FAM135B: variants seen among roughly 807,000 people sequenced by gnomAD.
FAM135B encodes the protein family with sequence similarity 135 member B, also known as protein FAM135B.
A neutral mutation model predicts 127.7 loss-of-function variants in FAM135B; 43 were observed. The ratio of observed to expected loss-of-function variants is 0.34; its 90% CI spans 0.26 to 0.43. The LOEUF is 0.43. Among genes scored for constraint, FAM135B ranks in the 20% least tolerant of loss-of-function variants. FAM135B has a pLI of 1.00. For missense variants in FAM135B, 1,558 were observed against 1,725.6 expected (o/e 0.90, Z 1.72); for synonymous variants, 670 against 665.1 (o/e 1.01, Z -0.11).
intron 11 of FAM135B, among the ~76,000 whole-genome samples, chr8:138,169,904 C>T (rs979034966): frequency 1.3e-5 from 2 of 152,162 alleles, no homozygotes; most frequent in African/African-American, 2.4e-5. Flanking sequence ...ACAGGGCTTT[C>T]GTGAATGTGA....
chr8:138,165,374 C>T (rs1372971021), intron 12 of FAM135B, among the ~76,000 whole-genome samples: 1 of 152,022 alleles, frequency 6.6e-6, no homozygotes, highest in Admixed American at 6.6e-5. Flanking sequence ...CCCGCCTCAG[C>T]CTCCCAAAGT....
intron 1 of FAM135B, among the ~76,000 whole-genome samples, chr8:138,400,046 T>G (rs1330383119): frequency 6.6e-6 from 1 of 152,206 alleles, no homozygotes; most frequent in Non-Finnish European, 1.5e-5. Context: ...TGTTTGGCAC[T>G]GTATGAAGAC....
chr8:138,161,965 T>C (rs867364916), intron 12 of FAM135B, among the ~76,000 whole-genome samples: 24 of 152,318 alleles, frequency 1.6e-4, no homozygotes, highest in Middle Eastern at 6.8e-3. Flanking sequence ...AGGTGATGAA[T>C]TGAGAATAGA....
At chr8:138,402,460 C>T (rs1833206455) in intron 1 of FAM135B, among the ~76,000 whole-genome samples, 1 of 152,136 alleles carries the variant, frequency 6.6e-6, no homozygotes, top group Middle Eastern at 3.2e-3. Context: ...TCAGGCAAAA[C>T]CCACAATTCT....
At position 138,131,499 on chromosome 8, in the gene FAM135B, T is replaced by G. The variant is rs1050207814; in HGVS notation, c.*1094A>C. On this transcript the variant is annotated 3_prime_UTR_variant, in exon 20 of 20. Transcript: ENST00000395297. ...CACTTTTGTCCCTGTCGTCTATTGGTTTTTATCAACGCAGTGACCTTTCCT... is the reference window on the plus strand; with the variant it reads ...CACTTTTGTCCCTGTCGTCTATTGGGTTTTATCAACGCAGTGACCTTTCCT... 1 of 152,636 alleles carries G rather than the reference T, an allele frequency of 6.6e-6. No individual in the cohort carries two copies. The allele number at this position is 152,636 out of a possible 1,614,324, so 9.5% of individuals were successfully genotyped here. A position where few individuals can be genotyped will look rare whatever the true frequency, so the allele number is the denominator to read the frequency against.
At chr8:138,425,852 A>G (rs904787863) in intron 1 of FAM135B, among the ~76,000 whole-genome samples, 2 of 151,562 alleles carry the variant, frequency 1.3e-5, no homozygotes, top group Admixed American at 6.6e-5. Flanking sequence ...ACTGGAGAAT[A>G]TAAATATACT....
intron 2 of FAM135B, among the ~76,000 whole-genome samples, chr8:138,364,679 A>G (rs1830631580): frequency 6.6e-6 from 1 of 152,176 alleles, no homozygotes; most frequent in Non-Finnish European, 1.5e-5. Context: ...ACCATTCTTG[A>G]GTATAAAACC....
intron 1 of FAM135B, chr8:138,436,809 C>T (rs1835480844): frequency 6.6e-6 from 1 of 152,178 alleles, no homozygotes; most frequent in African/African-American, 2.4e-5. Flanking sequence ...ATTTCTGAGT[C>T]TTAATTTCTT....
At chr8:138,296,146 G>A (rs1407310494) in intron 3 of FAM135B, among the ~76,000 whole-genome samples, 1 of 152,154 alleles carries the variant, frequency 6.6e-6, no homozygotes, top group Non-Finnish European at 1.5e-5. Context: ...TCTGGTTCTT[G>A]TCTTTTCCTC....
At chr8:138,388,835 T>A (rs1587321048) in intron 1 of FAM135B, among the ~76,000 whole-genome samples, 1 of 152,188 alleles carries the variant, frequency 6.6e-6, no homozygotes, top group East Asian at 1.9e-4. Flanking sequence ...TCAACACTTC[T>A]GCTCAAACCC....
chr8:138,457,025 C>CA lies in FAM135B; in HGVS notation c.-20+39645dup, dbSNP rs11320792. Among the ~76,000 whole-genome samples, 566 of 136,482 alleles carry CA rather than the reference C, an allele frequency of 4.1e-3. 2 individuals are homozygous for CA. Among genetic ancestry groups the CA allele is most frequent in the Middle Eastern group, 3.8e-3 (1 of 264 alleles). The allele number at this position is 136,482 out of a possible 152,430, so 89.5% of individuals were successfully genotyped here. On this transcript the variant is annotated intron_variant, in intron 1 of 19. Transcript: ENST00000395297. ...AGATGTGAAAGAAAAATAAAAGGAA[C>CA]AAAAAAAAAAAAGCTTTACATGTGG...
chr8:138,489,150 T>C (rs1815106346), intron 1 of FAM135B, among the ~76,000 whole-genome samples: 1 of 152,190 alleles, frequency 6.6e-6, no homozygotes, highest in Non-Finnish European at 1.5e-5. Context: ...GTTTGATTGA[T>C]ATTGCCTAAA....
intron 2 of FAM135B, among the ~76,000 whole-genome samples, chr8:138,311,842 G>A (rs916887716): frequency 6.6e-6 from 1 of 152,122 alleles, no homozygotes; most frequent in South Asian, 2.1e-4. Flanking sequence ...GAAGAGAAAA[G>A]GGCACTGGCG....
chr8:138,414,035 G>A (rs1284034856), intron 1 of FAM135B, among the ~76,000 whole-genome samples: 1 of 151,154 alleles, frequency 6.6e-6, no homozygotes, highest in Non-Finnish European at 1.5e-5. Flanking sequence ...AATGTCTACA[G>A]ATCAATGACT....
At chr8:138,136,851 T>C (rs772425432) in intron 19 of FAM135B, among the ~76,000 whole-genome samples, 1 of 152,234 alleles carries the variant, frequency 6.6e-6, no homozygotes, top group Non-Finnish European at 1.5e-5. Context: ...AATGTGCCCC[T>C]TGAGGGCAGG....
chr8:138,223,224 AC>A (rs2130074709), intron 7 of FAM135B, among the ~76,000 whole-genome samples: 1 of 152,360 alleles, frequency 6.6e-6, no homozygotes, highest in South Asian at 2.1e-4. Flanking sequence ...TGTGGCAATG[AC>A]TATTCCACCA....
At chr8:138,405,171 G>C (rs1161477087) in intron 1 of FAM135B, among the ~76,000 whole-genome samples, 2 of 151,864 alleles carry the variant, frequency 1.3e-5, no homozygotes, top group Non-Finnish European at 2.9e-5. Flanking sequence ...GTGCTTGGGT[G>C]AACAGGTGCA....
chr8:138,447,386 C>T (rs1456749226), intron 1 of FAM135B, among the ~76,000 whole-genome samples: 1 of 151,988 alleles, frequency 6.6e-6, no homozygotes, highest in African/African-American at 2.4e-5. Flanking sequence ...TTCACAATAG[C>T]AAAGACTTGG....
At chr8:138,452,397 A>G (rs1836544005) in intron 1 of FAM135B, among the ~76,000 whole-genome samples, 1 of 152,098 alleles carries the variant, frequency 6.6e-6, no homozygotes, top group African/African-American at 2.4e-5. Context: ...CTGGGATTAC[A>G]GGCATGAGCC....
Sources: allele counts gnomAD v4.1 joint callset (sites outside exome capture counted in the v4.1 genomes callset), GRCh38; gene constraint gnomAD v4.1.1; transcripts MANE v1.5; gene names NCBI Gene and HGNC (gene_info 2026-07-23, HGNC 2026-07-21).